SLC29A3: variants seen among roughly 807,000 people sequenced by gnomAD.
SLC29A3 encodes the protein equilibrative nucleoside transporter 3.
A neutral mutation model predicts 25.4 loss-of-function variants in SLC29A3; 18 were observed. The ratio of observed to expected loss-of-function variants is 0.71; its 90% CI spans 0.49 to 1.05. The LOEUF is 1.05. Among genes scored for constraint, SLC29A3 ranks in the 50% least tolerant of loss-of-function variants. SLC29A3 has a pLI of 0.00. For missense variants in SLC29A3, 586 were observed against 609.0 expected (o/e 0.96, Z 0.40); for synonymous variants, 258 against 267.1 (o/e 0.97, Z 0.33).
In SLC29A3 at chr10:71,362,234, T is replaced by C; in HGVS notation, c.1054T>C (p.Phe352Leu). ...CAAGTTTTTCATCCCCCTCACTACC[T>C]TCCTCCTGTACAACTTTGCTGACCT... ...TTKFFIPLTT[F>L]LLYNFADLCG... is the part of the protein sequence containing the mutation. The change falls in exon 6 of 6, where the codon TTC becomes CTC. Residue 352 changes from phenylalanine (F) to leucine (L), a missense_variant. Coordinates refer to ENST00000373189, the MANE Select transcript of SLC29A3 (RefSeq NM_018344.6). 1.2e-6 allele frequency: 2 copies of C among 1,614,080 alleles called. No individual in the cohort carries two copies. Among genetic ancestry groups the C allele is most frequent in the Non-Finnish European group, 1.7e-6 (2 of 1,180,008 alleles).
intron 3 of SLC29A3, among the ~76,000 whole-genome samples, chr10:71,351,112 G>A (rs1846744943): frequency 6.6e-6 from 1 of 152,198 alleles, no homozygotes; most frequent in African/African-American, 2.4e-5. Flanking sequence ...TCAGTGGGTG[G>A]CTGCTCTGTT....
At position 71,336,099 on chromosome 10, in the gene SLC29A3, C is replaced by T. The variant is rs542922634; in HGVS notation, c.301-8110C>T. ...AGCAAGGCTCTAGGGAATAACATTT[C>T]CTTGCTGCTGCTTTGGCATTTTTTG... is the stretch of plus-strand genomic sequence containing the variant. On this transcript the variant is annotated intron_variant, in intron 2 of 5. Coordinates refer to ENST00000373189, the MANE Select transcript of SLC29A3 (RefSeq NM_018344.6). Among the ~76,000 whole-genome samples the T allele has an allele frequency of 1.2e-3, 178 of 152,330 alleles. 1 individual carries two copies. Among genetic ancestry groups the T allele is most frequent in the Non-Finnish European group, 2.1e-3 (144 of 68,040 alleles).
At chr10:71,374,654 G>A (rs1243886664) in intron 3 of SLC29A3, among the ~76,000 whole-genome samples, 6 of 152,106 alleles carry the variant, frequency 3.9e-5, no homozygotes, top group African/African-American at 7.2e-5. Context: ...AGCTGGCAGC[G>A]GGAGAAAGGC....
chr10:71,328,852 G>A (rs1169919531), intron 2 of SLC29A3, among the ~76,000 whole-genome samples: 2 of 152,206 alleles, frequency 1.3e-5, no homozygotes, highest in Non-Finnish European at 2.9e-5. Context: ...GGGACCTAGG[G>A]CATCCCCTCC....
intron 2 of SLC29A3, among the ~76,000 whole-genome samples, chr10:71,343,625 T>C (rs1256625786): frequency 6.6e-6 from 1 of 152,132 alleles, no homozygotes; most frequent in East Asian, 1.9e-4. Context: ...GAGGTCACTT[T>C]GTGGCAAGAA....
exon 5 of SLC29A3, chr10:71,381,289 A>C (rs1383450674): frequency 6.6e-6 from 1 of 152,226 alleles, no homozygotes; most frequent in African/African-American, 2.4e-5. Context: ...CAGGCTGTGC[A>C]CAACGTGGGG....
intron 3 of SLC29A3, among the ~76,000 whole-genome samples, chr10:71,375,430 C>T (rs962231099): frequency 6.6e-6 from 1 of 152,208 alleles, no homozygotes; most frequent in Non-Finnish European, 1.5e-5. Context: ...TTCTTCAACA[C>T]CTCACTAAAA....
chr10:71,357,347 G>A (rs1000494217), intron 5 of SLC29A3, among the ~76,000 whole-genome samples: 11 of 152,066 alleles, frequency 7.2e-5, no homozygotes, highest in Admixed American at 3.3e-4. Context: ...CCTGGGAGAC[G>A]GAGCTTGCAG....
chr10:71,371,507 A>C (rs567339285), intron 3 of SLC29A3, among the ~76,000 whole-genome samples: 1 of 152,310 alleles, frequency 6.6e-6, no homozygotes, highest in Non-Finnish European at 1.5e-5. Context: ...AGATAGTCAA[A>C]GAGGTCTGCA....
At position 71,356,071 on chromosome 10, in the gene SLC29A3, T is replaced by C; in HGVS notation, c.611-10T>C. The C allele has an allele frequency of 6.2e-7, 1 of 1,613,628 alleles. No individual in the cohort carries two copies. The highest frequency in any genetic ancestry group is 1.1e-5 in the South Asian group (1 of 91,064). On this transcript the variant is annotated splice_polypyrimidine_tract_variant and intron_variant, in intron 4 of 5. Coordinates refer to ENST00000373189, the MANE Select transcript of SLC29A3 (RefSeq NM_018344.6). ...CCTCACCATCTCTGCGTGTCCTCTGTTCTCTGCAGGAGGAGCCATGGGCGG... is the reference window on the plus strand; with the variant it reads ...CCTCACCATCTCTGCGTGTCCTCTGCTCTCTGCAGGAGGAGCCATGGGCGG...
At chr10:71,338,757 G>GA (rs1157568773) in intron 2 of SLC29A3, among the ~76,000 whole-genome samples, 2 of 151,300 alleles carry the variant, frequency 1.3e-5, no homozygotes, top group East Asian at 1.9e-4. Context: ...ACTCTGTCTC[G>GA]AAAAAAAAGA....
intron 1 of SLC29A3, 116 bp downstream of exon 1, chr10:71,319,426 A>G (rs540355609): frequency 5.1e-4 from 262 of 516,704 alleles, no homozygotes; most frequent in African/African-American, 4.5e-3. Flanking sequence ...GGGGAGCCGC[A>G]GGACCCTACC....
chr10:71,335,522 G>A (rs563968186), intron 2 of SLC29A3, among the ~76,000 whole-genome samples: 22 of 152,316 alleles, frequency 1.4e-4, no homozygotes, highest in Admixed American at 4.6e-4. Flanking sequence ...GAGCAAAGGC[G>A]TGGAGGGGAT....
chr10:71,362,100 G>A lies in SLC29A3; in HGVS notation c.920G>A (p.Ser307Asn), dbSNP rs556688985. 21 of 1,614,098 alleles carry A rather than the reference G, an allele frequency of 1.3e-5. No individual in the cohort carries two copies. In the South Asian group the frequency reaches 2.1e-4, roughly 16 times the overall value. ...CGCCCCATCCTGAAGAAGACGGCCA[G>A]CCTGGGCTTCTGTGTCACCTACGTC... ...PLRPILKKTA[S>N]LGFCVTYVFF... The change falls in exon 6 of 6, where the codon AGC (serine) becomes AAC (asparagine). Residue 307 changes from serine to asparagine, a missense_variant. Transcript: ENST00000373189.
chr10:71,374,765 G>A (rs41385347), intron 3 of SLC29A3, among the ~76,000 whole-genome samples: 1,967 of 152,262 alleles, frequency 0.013, 49 homozygotes, highest in African/African-American at 0.044. Flanking sequence ...CCGCTAGCGT[G>A]TCATTATCCA....
At chr10:71,353,474 T>A (rs780671) in intron 4 of SLC29A3, among the ~76,000 whole-genome samples, 2 of 152,192 alleles carry the variant, frequency 1.3e-5, no homozygotes, top group African/African-American at 4.8e-5. Context: ...ACCATTTACA[T>A]TGGCAAGCGG....
rs940693786 is a variant in SLC29A3 at position 71,360,120 on chromosome 10, C to G, written c.774-1834C>G. On this transcript the variant is annotated intron_variant, in intron 5 of 5. Coordinates refer to ENST00000373189, the MANE Select transcript of SLC29A3 (RefSeq NM_018344.6). ...TCAAATGTGGTCCTTGCTCCAGGAA[C>G]CTGTCTTCTTCTTCTTTTTTTTTTT... Among the ~76,000 whole-genome samples the G allele has an allele frequency of 9.5e-5, 14 of 147,576 alleles. No homozygotes were observed. The Admixed American group carries it at 9.5e-4, about 10-fold the overall frequency.
intron 2 of SLC29A3, among the ~76,000 whole-genome samples, chr10:71,338,196 G>A (rs780662): frequency 0.14 from 21,415 of 152,238 alleles, 1,564 homozygotes; most frequent in South Asian, 0.19. Context: ...AGAGTAAGGC[G>A]AGAGCTTGGA....
intron 3 of SLC29A3, among the ~76,000 whole-genome samples, chr10:71,374,112 G>C (rs1847232684): frequency 6.6e-6 from 1 of 152,182 alleles, no homozygotes; most frequent in Non-Finnish European, 1.5e-5. Context: ...GCCTCCATTT[G>C]TATTATTGTC....
Sources: gnomAD v4.1 joint callset for allele counts (sites outside exome capture counted in the v4.1 genomes callset) on GRCh38, gnomAD v4.1.1 for gene constraint, MANE v1.5 for transcripts, NCBI Gene and HGNC (gene_info 2026-07-23, HGNC 2026-07-21) for gene names.